CAND1: variants seen among roughly 807,000 people sequenced by gnomAD.
CAND1 encodes cullin associated and neddylation dissociated 1, also known as cullin-associated NEDD8-dissociated protein 1.
A neutral mutation model predicts 108.5 loss-of-function variants in CAND1; 7 were observed. The observed-to-expected ratio is 0.06, with a 90% CI of 0.04 to 0.12. CAND1 has a LOEUF of 0.12. CAND1 is among the 10% of genes least tolerant of loss of function. The pLI is 1.00. For synonymous variants in CAND1, 534 were observed against 512.0 expected (o/e 1.04, Z -0.58); for missense variants, 941 against 1,448.7 (o/e 0.65, Z 5.69).
At position 67,316,221 on chromosome 12, in the gene CAND1, CA is replaced by C. The variant is rs1447411225; in HGVS notation, c.*3394del. On this transcript the variant is annotated 3_prime_UTR_variant, in exon 15 of 15. Transcript: ENST00000545606. ...GGTAATAGTTTATTGACTGATTGGA[CA>C]AAGGATATTCTGGTTTTAACTGACT... is the stretch of plus-strand genomic sequence containing the variant. The C allele has an allele frequency of 5.9e-5, 9 of 152,090 alleles. No homozygotes were observed. Among genetic ancestry groups the C allele is most frequent in the Admixed American group, 5.9e-4 (9 of 15,270 alleles). 9.4% of individuals were successfully genotyped at this position (152,090 alleles called of 1,614,324 possible). A position where few individuals can be genotyped will look rare whatever the true frequency, so the allele number is the denominator to read the frequency against.
rs561047488 is a variant in CAND1, at chr12:67,297,344, T to A, written c.492-63T>A. 1.4e-4 allele frequency: 210 copies of A among 1,455,084 alleles called. 1 individual carries two copies. The African/African-American group carries it at 2.8e-3, about 19-fold the overall frequency. The allele number at this position is 1,455,084 out of a possible 1,614,324, so 90.1% of individuals were successfully genotyped here. On this transcript the variant is annotated intron_variant, in intron 4 of 14. Coordinates refer to ENST00000545606, the MANE Select transcript of CAND1 (RefSeq NM_018448.5). Reference sequence around the variant, plus strand: ...GCATTGAGGTCAGAGGCCAGACATTTAGTAGTGGCCAGGCATCTTGAATTC... The same window carrying A: ...GCATTGAGGTCAGAGGCCAGACATTAAGTAGTGGCCAGGCATCTTGAATTC...
chr12:67,282,138 T>A (rs1197875637), intron 2 of CAND1, 85 bp downstream of exon 2: 1 of 1,363,892 alleles, frequency 7.3e-7, no homozygotes, highest in African/African-American at 1.5e-5. Flanking sequence ...GTAAATTATC[T>A]TAGCCTTGTA....
chr12:67,284,991 T>C (rs2044656867), intron 2 of CAND1, among the ~76,000 whole-genome samples: 1 of 152,118 alleles, frequency 6.6e-6, no homozygotes, highest in Admixed American at 6.6e-5. Context: ...TTAAGAAAAA[T>C]TGAATTTACA....
intron 1 of CAND1, among the ~76,000 whole-genome samples, chr12:67,280,062 C>T (rs1236246367): frequency 6.6e-6 from 1 of 152,110 alleles, no homozygotes; most frequent in Non-Finnish European, 1.5e-5. Flanking sequence ...TTTGTTTTGT[C>T]ACATTATAAA....
chr12:67,308,611 C>A (rs2044914152), intron 11 of CAND1, among the ~76,000 whole-genome samples: 1 of 151,962 alleles, frequency 6.6e-6, no homozygotes, highest in African/African-American at 2.4e-5. Flanking sequence ...AACATCAGAA[C>A]CACCTGGGAA....
chr12:67,304,692 C>T lies in CAND1; in HGVS notation c.1381C>T (p.Leu461=), dbSNP rs758329313. Residue 461 remains leucine (L), a synonymous_variant, in exon 9 of 15, where the codon CTG becomes TTG. Coordinates refer to ENST00000545606, the MANE Select transcript of CAND1 (RefSeq NM_018448.5). Reference sequence around the variant, plus strand: ...GTGTTGTTTTAACATGTTAACTGAGCTGGTAAATGTATTACCTGGGGCCCT... The same window carrying T: ...GTGTTGTTTTAACATGTTAACTGAGTTGGTAAATGTATTACCTGGGGCCCT... The part of the protein sequence containing the change: ...RQCCFNMLTE[L]VNVLPGALTQ... 1.9e-6 allele frequency: 3 copies of T among 1,613,730 alleles called. No homozygotes were observed. The Admixed American group carries it at 5.0e-5, about 27-fold the overall frequency.
intron 2 of CAND1, among the ~76,000 whole-genome samples, chr12:67,287,093 C>G (rs2044678943): frequency 6.6e-6 from 1 of 152,148 alleles, no homozygotes; most frequent in African/African-American, 2.4e-5. Context: ...CTCTTTGGGC[C>G]AGATAATTCT....
In CAND1 at chr12:67,310,029, C is replaced by A. The variant is rs1166991385; in HGVS notation, c.3154C>A (p.Leu1052Ile). The change falls in exon 12 of 15, where the codon CTT (leucine) becomes ATT (isoleucine). Residue 1052 changes from leucine (L) to isoleucine (I), a missense_variant. Physicochemically the swap from Leu to Ile is conservative, Grantham distance 5. Transcript: ENST00000545606. ...RDLLDTVLPH[L>I]YNETKVRKEL... ...TCTATTGGATACTGTTCTTCCACATCTTTACAATGAAACAAAAGTTAGAAA... is the reference window on the plus strand; with the variant it reads ...TCTATTGGATACTGTTCTTCCACATATTTACAATGAAACAAAAGTTAGAAA... 6.2e-7 allele frequency: 1 copy of A among 1,612,184 alleles called. No homozygotes were observed. Among genetic ancestry groups the A allele is most frequent in the African/African-American group, 1.3e-5 (1 of 74,970 alleles).
chr12:67,293,133 A>C (rs2044737036), intron 3 of CAND1: 1 of 218,800 alleles, frequency 4.6e-6, no homozygotes, highest in African/African-American at 2.4e-5. Context: ...CACTGTTTCC[A>C]GTATTAATTT....
Position 67,295,140 on chromosome 12 carries a change from G to T in CAND1, c.475G>T (p.Ala159Ser), listed in dbSNP as rs775833574. The change falls in exon 4 of 15, where the codon GCT becomes TCT. Residue 159 changes from alanine (A) to serine (S), a missense_variant. This residue lies in a region of CAND1 where 697 missense variants were observed against 942.0 expected (regional missense o/e 0.74). Transcript: ENST00000545606. ...TCAGCTAGAAGCCTTGGATATTATG[G>T]CTGATATGTTGAGCAGGTAAGTGTG... is the stretch of plus-strand genomic sequence containing the variant. ...SVQLEALDIM[A>S]DMLSRQGGLL... is the part of the protein sequence containing the mutation. 32 of 1,611,942 alleles carry T rather than the reference G, an allele frequency of 2.0e-5. No individual in the cohort carries two copies. Among genetic ancestry groups the T allele is most frequent in the Non-Finnish European group, 2.6e-5 (31 of 1,178,856 alleles).
rs2044991920 is a variant in CAND1 at position 67,314,811 on chromosome 12, G to T, written c.*1981G>T. The stretch of plus-strand genomic sequence containing the variant: ...CAGTTGAAATTCTTTTAGTACTAAA[G>T]AAATAGATACTGCTCTTTTATGGCT... On this transcript the variant is annotated 3_prime_UTR_variant, in exon 15 of 15. Coordinates refer to ENST00000545606, the MANE Select transcript of CAND1 (RefSeq NM_018448.5). 1 of 152,164 alleles carries T rather than the reference G, an allele frequency of 6.6e-6. No homozygotes were observed. The highest frequency in any genetic ancestry group is 2.4e-5 in the African/African-American group (1 of 41,438). 9.4% of individuals were successfully genotyped at this position (152,164 alleles called of 1,614,324 possible).
At chr12:67,309,604 A>T (rs1443591030) in intron 11 of CAND1, among the ~76,000 whole-genome samples, 2 of 152,000 alleles carry the variant, frequency 1.3e-5, no homozygotes, top group African/African-American at 4.8e-5. Context: ...CATATCTTAT[A>T]TCTATAGAAG....
intron 11 of CAND1, among the ~76,000 whole-genome samples, chr12:67,308,762 A>G (rs2044916486): frequency 6.6e-6 from 1 of 151,984 alleles, no homozygotes; most frequent in South Asian, 2.1e-4. Context: ...AATAAAGGGG[A>G]GGGGAGATTA....
At chr12:67,282,085 T>C in intron 2 of CAND1, 32 bp downstream of exon 2, 2 of 1,608,998 alleles carry the variant, frequency 1.2e-6, no homozygotes, top group African/African-American at 1.3e-5. Context: ...GAGTCTTTCT[T>C]CCTGCTCCCC....
At chr12:67,270,728 T>C (rs1169760763) in intron 1 of CAND1, 1 of 150,256 alleles carries the variant, frequency 6.7e-6, no homozygotes, top group African/African-American at 2.5e-5. Flanking sequence ...ATTGTTGCAT[T>C]CTTTCCCGCC....
intron 3 of CAND1, 118 bp from the exon 4 acceptor site, chr12:67,294,915 G>A (rs1325482333): frequency 1.2e-5 from 12 of 1,003,196 alleles, no homozygotes; most frequent in Admixed American, 2.6e-5. Context: ...TTCTGCCCTG[G>A]ATCTGTTGTG....
chr12:67,271,786 G>C (rs999302428), intron 1 of CAND1, among the ~76,000 whole-genome samples: 2 of 152,256 alleles, frequency 1.3e-5, no homozygotes, highest in Admixed American at 1.3e-4. Context: ...GGAGCAGTAC[G>C]TGATTTCCAG....
In CAND1 at chr12:67,302,213, C is replaced by A. The variant is rs1011998388; in HGVS notation, c.1001-110C>A. The A allele has an allele frequency of 7.3e-5, 69 of 942,354 alleles. 1 individual carries two copies. The highest frequency in any genetic ancestry group is 6.5e-4 in the South Asian group (40 of 61,254). The allele number at this position is 942,354 out of a possible 1,614,324, so 58.4% of individuals were successfully genotyped here. A position where few individuals can be genotyped will look rare whatever the true frequency, so the allele number is the denominator to read the frequency against. ...AACCTACCTGTTGCTGTATATGTTACCGGAAAGTTAGATTAACTGATTTGG... is the reference window on the plus strand; with the variant it reads ...AACCTACCTGTTGCTGTATATGTTAACGGAAAGTTAGATTAACTGATTTGG... On this transcript the variant is annotated intron_variant, in intron 7 of 14. Coordinates refer to ENST00000545606, the MANE Select transcript of CAND1 (RefSeq NM_018448.5).
In CAND1 at chr12:67,314,835, C is replaced by G. The variant is rs2044992223; in HGVS notation, c.*2005C>G. 1 of 152,088 alleles carries G rather than the reference C, an allele frequency of 6.6e-6. No homozygotes were observed. The highest frequency in any genetic ancestry group is 1.5e-5 in the Non-Finnish European group (1 of 68,020). 9.4% of individuals were successfully genotyped at this position (152,088 alleles called of 1,614,324 possible). A position where few individuals can be genotyped will look rare whatever the true frequency, so the allele number is the denominator to read the frequency against. On this transcript the variant is annotated 3_prime_UTR_variant, in exon 15 of 15. Coordinates refer to ENST00000545606, the MANE Select transcript of CAND1 (RefSeq NM_018448.5). ...AGAAATAGATACTGCTCTTTTATGGCTTTAGTGTTTATATACCTGTTTATA... is the reference window on the plus strand; with the variant it reads ...AGAAATAGATACTGCTCTTTTATGGGTTTAGTGTTTATATACCTGTTTATA...
Sources: gnomAD v4.1 joint callset for allele counts (sites outside exome capture counted in the v4.1 genomes callset) on GRCh38, gnomAD v4.1.1 for gene constraint, gnomAD v4.1.1 regional missense constraint, MANE v1.5 for transcripts, NCBI Gene and HGNC (gene_info 2026-07-23, HGNC 2026-07-21) for gene names.